Variants in TNS3 observed in about 807,000 individuals in gnomAD.
The protein encoded by TNS3 is tensin 3, also known as tensin-3.
In TNS3, 45 loss-of-function variants were observed where a neutral mutation model predicts 140.9. The observed-to-expected ratio is 0.32, with a 90% confidence interval of 0.25 to 0.41. The LOEUF (loss-of-function observed/expected upper bound fraction) is 0.41. TNS3 is among the 10% of genes least tolerant of loss of function. TNS3 has a pLI of 1.00. For synonymous variants in TNS3, 815 were observed against 788.4 expected, an observed-to-expected ratio of 1.03 and a Z score of -0.56; for missense variants, 1,716 against 1,906.7, an observed-to-expected ratio of 0.90 and a Z score of 1.86.
At chr7:47,375,181 T>C (rs1047993940) in intron 16 of TNS3, among the ~76,000 whole-genome samples, 1 of 152,214 alleles carries the variant, frequency 6.6e-6, no homozygotes, top group African/African-American at 2.4e-5. Flanking sequence ...CTTGCAGGGA[T>C]GCCATAGCTC....
intron 17 of TNS3, among the ~76,000 whole-genome samples, chr7:47,355,610 C>T (rs1000190116): frequency 1.3e-5 from 2 of 152,184 alleles, no homozygotes; most frequent in African/African-American, 2.4e-5. Context: ...CTTCTCAGAT[C>T]GCTTAGCCAG....
intron 1 of TNS3, chr7:47,579,953 C>T (rs1412117070): frequency 1.3e-5 from 6 of 472,090 alleles, no homozygotes; most frequent in Non-Finnish European, 1.7e-5. Context: ...TCCAGAGTCA[C>T]ATTTGCAAAC....
At chr7:47,382,183 C>T (rs1791805451) in intron 16 of TNS3, among the ~76,000 whole-genome samples, 1 of 152,150 alleles carries the variant, frequency 6.6e-6, no homozygotes, top group Non-Finnish European at 1.5e-5. Context: ...GTTGTATGTT[C>T]AAAAGGAGTG....
At chr7:47,320,821 T>A (rs929734762) in intron 20 of TNS3, among the ~76,000 whole-genome samples, 3 of 152,182 alleles carry the variant, frequency 2.0e-5, no homozygotes, top group African/African-American at 7.2e-5. Context: ...TGTGTGTGGT[T>A]TGGGGAGATG....
chr7:47,302,856 C>A lies in TNS3; in HGVS notation c.3457+94G>T, dbSNP rs561035294. 12 of 1,486,786 alleles carry A rather than the reference C, an allele frequency of 8.1e-6. No individual in the cohort carries two copies. In the East Asian group the frequency reaches 2.7e-4, roughly 34 times the overall value. 92.1% of individuals were successfully genotyped at this position (1,486,786 alleles called of 1,614,324 possible). ...TCCTCTCCAGGTGCCCAGCCCAGCA[C>A]TAGAGATATGCCAGCTCAGCTGCAG... On this transcript the variant is annotated intron_variant, in intron 22 of 30. Transcript: ENST00000311160.
chr7:47,488,803 C>T (rs954324569), intron 3 of TNS3, among the ~76,000 whole-genome samples: 45 of 150,486 alleles, frequency 3.0e-4, no homozygotes, highest in African/African-American at 1.0e-3. Flanking sequence ...CAGGTGAGGC[C>T]GGGGGCTCCT....
At chr7:47,441,154 A>C (rs1795445880) in intron 5 of TNS3, among the ~76,000 whole-genome samples, 1 of 152,138 alleles carries the variant, frequency 6.6e-6, no homozygotes. Flanking sequence ...TCAAACATCC[A>C]ATACCATACA....
chr7:47,420,001 T>G (rs368881223), intron 10 of TNS3, among the ~76,000 whole-genome samples: 3 of 152,148 alleles, frequency 2.0e-5, no homozygotes, highest in African/African-American at 7.2e-5. Context: ...TTAAACTCTT[T>G]CTCTACTGCA....
intron 4 of TNS3, among the ~76,000 whole-genome samples, chr7:47,458,061 T>G (rs1053458502): frequency 6.6e-6 from 1 of 152,068 alleles, no homozygotes; most frequent in Non-Finnish European, 1.5e-5. Flanking sequence ...GTACGTCTCA[T>G]GCCAAAATAA....
intron 20 of TNS3, among the ~76,000 whole-genome samples, chr7:47,336,991 A>G (rs1312673626): frequency 6.6e-6 from 1 of 152,104 alleles, no homozygotes; most frequent in Non-Finnish European, 1.5e-5. Context: ...TCCAGCAAGA[A>G]TCCTGCTTTT....
At chr7:47,380,417 C>T (rs1207915766) in intron 16 of TNS3, among the ~76,000 whole-genome samples, 3 of 152,206 alleles carry the variant, frequency 2.0e-5, no homozygotes, top group Non-Finnish European at 2.9e-5. Flanking sequence ...GCCACAGAGG[C>T]GGCCAGAGAG....
chr7:47,334,535 A>ATGTTATG (rs1391082926), intron 20 of TNS3, among the ~76,000 whole-genome samples: 1 of 150,088 alleles, frequency 6.7e-6, no homozygotes, highest in East Asian at 2.0e-4. Context: ...AGATGCTTTT[A>ATGTTATG]TGTTATGTGT....
intron 1 of TNS3, among the ~76,000 whole-genome samples, chr7:47,572,403 T>A (rs542516161): frequency 6.6e-6 from 1 of 152,368 alleles, no homozygotes; most frequent in East Asian, 1.9e-4. Context: ...GGAAAATGAA[T>A]GATCGTGTGT....
At chr7:47,287,806 T>C (rs943013095) in intron 27 of TNS3, among the ~76,000 whole-genome samples, 6 of 152,210 alleles carry the variant, frequency 3.9e-5, no homozygotes, top group African/African-American at 1.4e-4. Context: ...AGTCATAATT[T>C]AAGCTTCATA....
chr7:47,399,643 C>T (rs1031808444), intron 15 of TNS3, among the ~76,000 whole-genome samples: 23 of 152,136 alleles, frequency 1.5e-4, no homozygotes, highest in Admixed American at 1.5e-3. Context: ...AGACTGGATC[C>T]CCATTTCTCA....
chr7:47,539,222 C>T (rs1799712325), intron 1 of TNS3: 1 of 444,434 alleles, frequency 2.3e-6, no homozygotes, highest in African/African-American at 2.0e-5. Flanking sequence ...ACAGGCCAGC[C>T]CACTGCCTAT....
intron 16 of TNS3, among the ~76,000 whole-genome samples, chr7:47,389,839 G>A (rs1047500977): frequency 3.3e-5 from 5 of 152,242 alleles, no homozygotes; most frequent in African/African-American, 1.2e-4. Flanking sequence ...ACAATCAAGA[G>A]ATGCAGAGGG....
chr7:47,364,570 G>A (rs1474903726), intron 17 of TNS3, among the ~76,000 whole-genome samples: 1 of 152,192 alleles, frequency 6.6e-6, no homozygotes, highest in African/African-American at 2.4e-5. Flanking sequence ...TTTCTATCAG[G>A]TCAGAAAGTC....
chr7:47,554,088 A>G (rs1057372159), intron 1 of TNS3, among the ~76,000 whole-genome samples: 1 of 148,432 alleles, frequency 6.7e-6, no homozygotes. Context: ...TACAAGCGTG[A>G]GCCACTGTGC....
Sources: allele counts gnomAD v4.1 joint callset (sites outside exome capture counted in the v4.1 genomes callset), GRCh38; gene constraint gnomAD v4.1.1; transcripts MANE v1.5; gene names NCBI Gene and HGNC (gene_info 2026-07-23, HGNC 2026-07-21).